The following MCTP1 variants were observed in gnomAD, a reference collection of about 807,000 sequenced individuals.
The protein encoded by MCTP1 is multiple C2 and transmembrane domain containing 1.
In MCTP1, 69 loss-of-function variants were observed where a neutral mutation model predicts 120.6. The ratio of observed to expected loss-of-function variants is 0.57; its 90% CI spans 0.47 to 0.70. The LOEUF (loss-of-function observed/expected upper bound fraction) is 0.70. Among genes scored for constraint, MCTP1 ranks in the 30% least tolerant of loss-of-function variants. The pLI is 0.00. For synonymous variants in MCTP1, 529 were observed against 493.1 expected (o/e 1.07, Z -0.96); for missense variants, 1,203 against 1,248.8 (o/e 0.96, Z 0.55).
At chr5:94,733,069 C>T (rs997485978) in intron 19 of MCTP1, among the ~76,000 whole-genome samples, 4 of 152,046 alleles carry the variant, frequency 2.6e-5, no homozygotes, top group African/African-American at 4.8e-5. Flanking sequence ...TTTTATCATT[C>T]TCATCTACTT....
chr5:94,724,822 T>C (rs1761766660), intron 19 of MCTP1, among the ~76,000 whole-genome samples: 1 of 152,152 alleles, frequency 6.6e-6, no homozygotes, highest in Non-Finnish European at 1.5e-5. Flanking sequence ...TTATAGATTA[T>C]CCCATCTCAG....
chr5:94,749,654 C>CAAA (rs57404381), intron 19 of MCTP1, among the ~76,000 whole-genome samples: 872 of 50,974 alleles, frequency 0.017, 8 homozygotes, highest in Non-Finnish European at 0.021. Flanking sequence ...GACTTCATCT[C>CAAA]AAAAAAAAAA....
At chr5:94,924,316 G>C (rs1291025090) in intron 6 of MCTP1, among the ~76,000 whole-genome samples, 1 of 152,016 alleles carries the variant, frequency 6.6e-6, no homozygotes, top group Non-Finnish European at 1.5e-5. Context: ...AAAGTAGACT[G>C]TTCAAGCATA....
At chr5:94,723,066 A>AT (rs776909949) in intron 19 of MCTP1, among the ~76,000 whole-genome samples, 3 of 152,208 alleles carry the variant, frequency 2.0e-5, no homozygotes, top group Admixed American at 2.0e-4. Context: ...TTTTTCAGAT[A>AT]TAAAAAAAAC....
chr5:94,853,233 C>G (rs559582299), intron 17 of MCTP1, among the ~76,000 whole-genome samples: 11 of 152,002 alleles, frequency 7.2e-5, no homozygotes, highest in African/African-American at 2.6e-4. Context: ...AATCTGTCAT[C>G]CTTGAAACAA....
chr5:95,244,594 G>C (rs1265088524), intron 1 of MCTP1, among the ~76,000 whole-genome samples: 1 of 152,206 alleles, frequency 6.6e-6, no homozygotes, highest in South Asian at 2.1e-4. Flanking sequence ...AACAGTCTGC[G>C]ATCAATCTGT....
intron 1 of MCTP1, among the ~76,000 whole-genome samples, chr5:95,144,710 G>A (rs1760230121): frequency 6.6e-6 from 1 of 152,058 alleles, no homozygotes; most frequent in Non-Finnish European, 1.5e-5. Flanking sequence ...ATGATCAGAT[G>A]GTTGTACCTC....
intron 2 of MCTP1, among the ~76,000 whole-genome samples, chr5:95,003,763 AC>A (rs1457102321): frequency 6.6e-6 from 1 of 152,050 alleles, no homozygotes; most frequent in African/African-American, 2.4e-5. Context: ...AGCTGATTAA[AC>A]CTCTTTTATT....
At chr5:95,109,355 T>C (rs574650982) in intron 1 of MCTP1, among the ~76,000 whole-genome samples, 1 of 152,332 alleles carries the variant, frequency 6.6e-6, no homozygotes, top group African/African-American at 2.4e-5. Context: ...AAAAGTTCTA[T>C]TCTCAGATTT....
At chr5:94,865,062 C>A (rs1796544504) in intron 17 of MCTP1, among the ~76,000 whole-genome samples, 1 of 151,850 alleles carries the variant, frequency 6.6e-6, no homozygotes, top group South Asian at 2.1e-4. Context: ...AATTTTAAAA[C>A]CGAATGCATT....
chr5:95,129,148 CTT>C (rs1758844801), intron 1 of MCTP1, among the ~76,000 whole-genome samples: 1 of 152,166 alleles, frequency 6.6e-6, no homozygotes, highest in Non-Finnish European at 1.5e-5. Flanking sequence ...AAGAAAGACT[CTT>C]TACTAAACTT....
In MCTP1 at chr5:95,066,078, C is replaced by T. The variant is rs189322075; in HGVS notation, c.721-48594G>A. On this transcript the variant is annotated intron_variant, in intron 1 of 22. Transcript: ENST00000515393. ...TCAACAGAGTGAACAATCTACTGAA[C>T]GGGAGAAAATGTTTACAAAGTATAT... Among the ~76,000 whole-genome samples the T allele has an allele frequency of 3.9e-5, 6 of 152,052 alleles. 1 individual carries two copies. Among genetic ancestry groups the T allele is most frequent in the Admixed American group, 2.6e-4 (4 of 15,272 alleles).
intron 19 of MCTP1, among the ~76,000 whole-genome samples, chr5:94,760,282 C>T (rs1222839144): frequency 2.0e-5 from 3 of 152,112 alleles, no homozygotes; most frequent in Non-Finnish European, 4.4e-5. Context: ...AACTATATGA[C>T]TCTGAGGTTA....
chr5:95,130,185 A>G (rs910737247), intron 1 of MCTP1, among the ~76,000 whole-genome samples: 20 of 152,198 alleles, frequency 1.3e-4, no homozygotes, highest in Non-Finnish European at 2.8e-4. Context: ...CATAATGAGG[A>G]ACCAATTCCC....
chr5:95,227,412 C>A (rs984756916), intron 1 of MCTP1, among the ~76,000 whole-genome samples: 3 of 152,172 alleles, frequency 2.0e-5, no homozygotes, highest in African/African-American at 7.2e-5. Flanking sequence ...CTAATAGAAT[C>A]AATCATCACC....
rs575078534 is a variant in MCTP1 at position 95,255,995 on chromosome 5, C to T, written c.720+27861G>A. Among the ~76,000 whole-genome samples the T allele has an allele frequency of 1.2e-4, 19 of 152,198 alleles. No homozygotes were observed. In the South Asian group the frequency reaches 2.5e-3, roughly 20 times the overall value. Reference sequence around the variant, plus strand: ...TGCCTAAACAGAAGCATCGAATGCTCTCAAATAAAGGGCTAAATATCATAC... The same window carrying T: ...TGCCTAAACAGAAGCATCGAATGCTTTCAAATAAAGGGCTAAATATCATAC... On this transcript the variant is annotated intron_variant, in intron 1 of 22. Transcript: ENST00000515393.
At chr5:95,137,036 G>T (rs1298402123) in intron 1 of MCTP1, among the ~76,000 whole-genome samples, 1 of 152,126 alleles carries the variant, frequency 6.6e-6, no homozygotes, top group Non-Finnish European at 1.5e-5. Context: ...AATTACTAAG[G>T]TATTTCACTT....
intron 1 of MCTP1, among the ~76,000 whole-genome samples, chr5:95,034,839 T>C (rs1024294664): frequency 2.0e-5 from 3 of 151,730 alleles, no homozygotes; most frequent in African/African-American, 7.3e-5. Flanking sequence ...AAGACTAATA[T>C]CCAGAATCTA....
At chr5:95,081,678 C>A (rs1582205397) in intron 1 of MCTP1, 19 of 1,308,580 alleles carry the variant, frequency 1.5e-5, no homozygotes, top group Non-Finnish European at 1.8e-5. Flanking sequence ...GTTTAAATAA[C>A]GTAGCTTTAG....
Sources: allele counts gnomAD v4.1 joint callset (sites outside exome capture counted in the v4.1 genomes callset), GRCh38; gene constraint gnomAD v4.1.1; transcripts MANE v1.5; gene names NCBI Gene and HGNC (gene_info 2026-07-23, HGNC 2026-07-21).